Variants in AUTS2 observed in about 807,000 individuals in gnomAD.
AUTS2 encodes the protein activator of transcription and developmental regulator AUTS2, also known as autism susceptibility gene 2 protein.
AUTS2 carries 17 observed loss-of-function variants against 112.4 expected under a neutral mutation model. That is an observed-to-expected ratio of 0.15 (90% CI 0.10 to 0.23). AUTS2 has a LOEUF of 0.23. AUTS2 is among the 10% of genes least tolerant of loss of function. AUTS2 has a pLI of 1.00. For synonymous variants in AUTS2, 751 were observed against 702.7 expected (o/e 1.07, Z -1.09); for missense variants, 1,510 against 1,701.6 (o/e 0.89, Z 1.98).
At chr7:70,643,368 C>T (rs1349148205) in intron 5 of AUTS2, among the ~76,000 whole-genome samples, 3 of 152,186 alleles carry the variant, frequency 2.0e-5, no homozygotes, top group Non-Finnish European at 4.4e-5. Flanking sequence ...GTCAAGAGAT[C>T]GAGACCATCC....
chr7:70,280,589 C>T (rs1489269501), intron 4 of AUTS2, among the ~76,000 whole-genome samples: 2 of 151,786 alleles, frequency 1.3e-5, no homozygotes, highest in Non-Finnish European at 2.9e-5. Flanking sequence ...AGCCACTGTG[C>T]CCGGCCAAAT....
At chr7:69,727,785 A>G (rs1279913455) in intron 1 of AUTS2, among the ~76,000 whole-genome samples, 1 of 151,956 alleles carries the variant, frequency 6.6e-6, no homozygotes, top group Non-Finnish European at 1.5e-5. Context: ...TTTTCTTTTC[A>G]AGGTTGTTTT....
intron 1 of AUTS2, among the ~76,000 whole-genome samples, chr7:69,664,884 C>T (rs1420464615): frequency 6.6e-6 from 1 of 152,076 alleles, no homozygotes; most frequent in African/African-American, 2.4e-5. Flanking sequence ...CCAGTAGGGA[C>T]TATGAAATGA....
intron 11 of AUTS2, among the ~76,000 whole-genome samples, chr7:70,772,671 C>T (rs955505105): frequency 6.6e-6 from 1 of 152,242 alleles, no homozygotes; most frequent in East Asian, 1.9e-4. Context: ...CCTCCCCCTT[C>T]AAAATCACCT....
At chr7:70,328,833 A>G (rs1437494894) in intron 4 of AUTS2, among the ~76,000 whole-genome samples, 1 of 152,238 alleles carries the variant, frequency 6.6e-6, no homozygotes, top group Non-Finnish European at 1.5e-5. Flanking sequence ...TGAACAGTTC[A>G]GTAGGATTTA....
At chr7:70,258,424 G>C (rs780895946) in intron 4 of AUTS2, among the ~76,000 whole-genome samples, 14 of 152,154 alleles carry the variant, frequency 9.2e-5, no homozygotes, top group Non-Finnish European at 2.1e-4. Flanking sequence ...GCTGTTGCTC[G>C]GGAGTAGAAG....
intron 5 of AUTS2, among the ~76,000 whole-genome samples, chr7:70,541,352 C>T (rs912941472): frequency 5.9e-5 from 9 of 152,104 alleles, no homozygotes; most frequent in African/African-American, 2.2e-4. Context: ...GTTTCGATAG[C>T]CTTAAAAGGG....
Position 70,422,103 on chromosome 7 carries a change from A to G in AUTS2, c.661-13649A>G, listed in dbSNP as rs1423311356. Among the ~76,000 whole-genome samples, 4 of 152,212 alleles carry G rather than the reference A, an allele frequency of 2.6e-5. No individual in the cohort carries two copies. In the East Asian group the frequency reaches 7.7e-4, roughly 29 times the overall value. ...GATACCCAATAAAGGGAAGAAAAAAAAGGAATCACTTTAGGATCCTATGTG... is the reference window on the plus strand; with the variant it reads ...GATACCCAATAAAGGGAAGAAAAAAGAGGAATCACTTTAGGATCCTATGTG... On this transcript the variant is annotated intron_variant, in intron 4 of 18. Coordinates refer to ENST00000342771, the MANE Select transcript of AUTS2 (RefSeq NM_015570.4).
intron 5 of AUTS2, among the ~76,000 whole-genome samples, chr7:70,579,776 T>A (rs1802350335): frequency 6.6e-6 from 1 of 152,216 alleles, no homozygotes. Context: ...TCCTCTGATT[T>A]AGTGCCTCGT....
At chr7:70,032,769 A>G (rs1800837526) in intron 2 of AUTS2, among the ~76,000 whole-genome samples, 1 of 152,094 alleles carries the variant, frequency 6.6e-6, no homozygotes, top group East Asian at 1.9e-4. Flanking sequence ...CCTGTAAGGT[A>G]TCCTCCTCCT....
chr7:70,672,777 A>C (rs1195735347), intron 5 of AUTS2, among the ~76,000 whole-genome samples: 1 of 151,778 alleles, frequency 6.6e-6, no homozygotes, highest in African/African-American at 2.4e-5. Context: ...TCAATTTTGT[A>C]TTTTTAGTAG....
chr7:70,787,937 A>AATTTTACTC (rs1485351463), intron 18 of AUTS2, among the ~76,000 whole-genome samples: 3 of 152,162 alleles, frequency 2.0e-5, no homozygotes, highest in African/African-American at 7.2e-5. Context: ...TGACTAATAA[A>AATTTTACTC]ATTTTACTCA....
At chr7:69,815,329 T>C (rs1035567727) in intron 1 of AUTS2, among the ~76,000 whole-genome samples, 5 of 152,170 alleles carry the variant, frequency 3.3e-5, no homozygotes, top group African/African-American at 1.2e-4. Flanking sequence ...TATCTATATA[T>C]CTATATATCT....
intron 1 of AUTS2, among the ~76,000 whole-genome samples, chr7:69,650,016 GC>G (rs1277904764): frequency 1.3e-5 from 2 of 152,178 alleles, no homozygotes; most frequent in African/African-American, 4.8e-5. Context: ...TCCAAACTGG[GC>G]CAGTTGTTTT....
At chr7:69,842,023 T>C (rs1792002650) in intron 1 of AUTS2, among the ~76,000 whole-genome samples, 3 of 152,178 alleles carry the variant, frequency 2.0e-5, no homozygotes. Flanking sequence ...ATAGTAGGCA[T>C]ATGGGTGTTT....
At chr7:70,373,912 C>T (rs2129630896) in intron 4 of AUTS2, among the ~76,000 whole-genome samples, 1 of 151,428 alleles carries the variant, frequency 6.6e-6, no homozygotes, top group African/African-American at 2.4e-5. Context: ...TTTCACTAAA[C>T]ATTACATCAC....
intron 6 of AUTS2, among the ~76,000 whole-genome samples, chr7:70,717,923 A>G (rs1181453087): frequency 6.6e-6 from 1 of 152,212 alleles, no homozygotes; most frequent in Non-Finnish European, 1.5e-5. Flanking sequence ...CCTGCCAACC[A>G]CAGTGAACAT....
At chr7:70,065,797 T>C (rs1434075815) in intron 2 of AUTS2, among the ~76,000 whole-genome samples, 1 of 152,156 alleles carries the variant, frequency 6.6e-6, no homozygotes, top group Non-Finnish European at 1.5e-5. Context: ...CCTGAAATTC[T>C]TGGTCTCAGG....
At chr7:69,674,037 C>G (rs61424317) in intron 1 of AUTS2, among the ~76,000 whole-genome samples, 14,841 of 152,210 alleles carry the variant, frequency 0.098, 1,145 homozygotes, top group African/African-American at 0.21. Flanking sequence ...GGTAAAACAG[C>G]ACCAGGAAGT....
Sources: allele counts gnomAD v4.1 joint callset (sites outside exome capture counted in the v4.1 genomes callset), GRCh38; gene constraint gnomAD v4.1.1; transcripts MANE v1.5; gene names NCBI Gene and HGNC (gene_info 2026-07-23, HGNC 2026-07-21).